The following PRKD2 variants were observed in gnomAD, a reference collection of about 807,000 sequenced individuals.
PRKD2 encodes serine/threonine-protein kinase D2.
In PRKD2, 22 loss-of-function variants were observed where a neutral mutation model predicts 86.0. That is an observed-to-expected ratio of 0.26 (90% CI 0.18 to 0.37). The LOEUF (loss-of-function observed/expected upper bound fraction) is 0.37, where lower values mean the gene tolerates loss of function less well. Ranked by LOEUF, PRKD2 falls within the 10% of genes least tolerant of loss-of-function variation. The pLI is 1.00. For missense variants in PRKD2, 818 were observed against 1,199.2 expected (o/e 0.68, Z 4.70); for synonymous variants, 509 against 510.9 (o/e 1.00, Z 0.05).
chr19:46,681,552 C>A, intron 15 of PRKD2, 98 bp downstream of exon 15: 1 of 868,168 alleles, frequency 1.2e-6, no homozygotes, highest in East Asian at 2.6e-5. Context: ...CACTGTGCCT[C>A]GCCCCCACAT....
intron 9 of PRKD2, 65 bp from the exon 10 acceptor site, chr19:46,694,198 CAGA>C (rs1332194017): frequency 3.4e-5 from 53 of 1,575,434 alleles, no homozygotes; most frequent in East Asian, 4.5e-5. Flanking sequence ...AGTGCTTACC[CAGA>C]AGGATACACG....
At chr19:46,680,989 T>C (rs1297979117) in intron 15 of PRKD2, among the ~76,000 whole-genome samples, 1 of 139,600 alleles carries the variant, frequency 7.2e-6, no homozygotes, top group East Asian at 2.1e-4. Context: ...TCTCTCGCTC[T>C]GTCACCCAGG....
rs111608315 is a variant in PRKD2 at position 46,686,728 on chromosome 19, G to A, written c.1971+2809C>T. On this transcript the variant is annotated intron_variant, in intron 14 of 17. Transcript: ENST00000291281. ...GCACTTTGGGAGGCCGAGGCGGGTG[G>A]ATCACGAGGTCAGGAGATCGAGACC... is the stretch of plus-strand genomic sequence containing the variant. Among the ~76,000 whole-genome samples the A allele has an allele frequency of 4.6e-5, 7 of 151,802 alleles. No homozygotes were observed. In the South Asian group the frequency reaches 1.0e-3, roughly 23 times the overall value.
At chr19:46,708,414 C>G (rs1184372197) in intron 3 of PRKD2, among the ~76,000 whole-genome samples, 1 of 150,568 alleles carries the variant, frequency 6.6e-6, no homozygotes, top group Non-Finnish European at 1.5e-5. Flanking sequence ...ACCTCCCAGG[C>G]CCAGGTGATC....
At chr19:46,706,173 C>A (rs1442880536) in intron 3 of PRKD2, among the ~76,000 whole-genome samples, 2 of 152,154 alleles carry the variant, frequency 1.3e-5, no homozygotes, top group Non-Finnish European at 2.9e-5. Context: ...CCTATTTTAT[C>A]TTTTAAAATC....
rs2053512618 is a variant in PRKD2, at chr19:46,693,556, C to A, written c.1576+319G>T. 6.6e-6 allele frequency among the ~76,000 whole-genome samples: 1 copy of A among 152,184 alleles called. No individual in the cohort carries two copies. The highest frequency in any genetic ancestry group is 1.5e-5 in the Non-Finnish European group (1 of 68,038). ...GGCTCAAGCAATTCTCCTGCCTCAG[C>A]CTTCCAAGTACCTGGAACTACAGGT... On this transcript the variant is annotated intron_variant, in intron 10 of 17. Coordinates refer to ENST00000291281, the MANE Select transcript of PRKD2 (RefSeq NM_016457.5). The surrounding 1 kb of genome is among the most constrained non-coding windows in gnomAD (Gnocchi z 4.5).
intron 13 of PRKD2, 110 bp downstream of exon 13, chr19:46,690,490 T>G: frequency 1.1e-6 from 1 of 898,006 alleles, no homozygotes; most frequent in South Asian, 1.4e-5. Context: ...TCCCCTTCAG[T>G]CTCAACATGC....
rs1330793119 is a variant in PRKD2, at chr19:46,716,306, G to C, written c.65C>G (p.Pro22Arg). ...CGACTGCAGCTCTAGGCCGCCGGGGGGCGGAGGAGACCCCGGCCCGGGAGA... is the reference window on the plus strand; with the variant it reads ...CGACTGCAGCTCTAGGCCGCCGGGGCGCGGAGGAGACCCCGGCCCGGGAGA... The part of the protein sequence containing the change: ...PGSPGPGSPP[P>R]PGGLELQSPP... Residue 22 changes from proline to arginine, a missense_variant, in exon 1 of 18, where the codon CCC becomes CGC. This residue lies in a region of PRKD2 where 403 missense variants were observed against 518.6 expected (regional missense o/e 0.78). Coordinates refer to ENST00000291281, the MANE Select transcript of PRKD2 (RefSeq NM_016457.5). The surrounding 1 kb of genome is among the most constrained non-coding windows in gnomAD (Gnocchi z 7.9). The C allele has an allele frequency of 6.6e-7, 1 of 1,526,658 alleles. No individual in the cohort carries two copies. Among genetic ancestry groups the C allele is most frequent in the South Asian group, 1.2e-5 (1 of 81,110 alleles). The allele number at this position is 1,526,658 out of a possible 1,614,324, so 94.6% of individuals were successfully genotyped here.
intron 1 of PRKD2, 70 bp from the exon 2 acceptor site, chr19:46,714,071 C>T: frequency 6.3e-7 from 1 of 1,575,094 alleles, no homozygotes; most frequent in South Asian, 1.2e-5. Flanking sequence ...CGGACTGTGA[C>T]CCTCCCAGGG....
At chr19:46,690,803 G>T in intron 12 of PRKD2, 97 bp from the exon 13 acceptor site, 1 of 1,123,704 alleles carries the variant, frequency 8.9e-7, no homozygotes, top group Non-Finnish European at 1.3e-6. Flanking sequence ...CCCCCACCAT[G>T]GAGACAGCCA....
At chr19:46,715,896 A>G (rs1462023552) in intron 1 of PRKD2, among the ~76,000 whole-genome samples, 1 of 152,022 alleles carries the variant, frequency 6.6e-6, no homozygotes. Flanking sequence ...AAACAACGAC[A>G]TGCAGGGACA....
intron 3 of PRKD2, among the ~76,000 whole-genome samples, chr19:46,707,705 A>G (rs1402326476): frequency 2.0e-5 from 3 of 152,198 alleles, no homozygotes; most frequent in Non-Finnish European, 4.4e-5. Flanking sequence ...CAGAGCCCCG[A>G]TTTCAACATT....
chr19:46,697,979 T>G (rs575375178), intron 7 of PRKD2, 129 bp from the exon 8 acceptor site: 1 of 740,280 alleles, frequency 1.4e-6, no homozygotes, highest in South Asian at 1.7e-5. Context: ...TGTTTTGACA[T>G]TTTCCCCCCA....
At chr19:46,715,570 C>T (rs746284758) in intron 1 of PRKD2, among the ~76,000 whole-genome samples, 2 of 152,306 alleles carry the variant, frequency 1.3e-5, no homozygotes, top group South Asian at 2.1e-4. Flanking sequence ...TAAGAGTAGG[C>T]TAACAGCACT....
At chr19:46,683,512 A>C (rs2053346050) in intron 14 of PRKD2, among the ~76,000 whole-genome samples, 1 of 151,994 alleles carries the variant, frequency 6.6e-6, no homozygotes, top group South Asian at 2.1e-4. Flanking sequence ...ACCTGAGGTC[A>C]GGAGTTAGAC....
At chr19:46,687,297 C>A (rs2053414304) in intron 14 of PRKD2, among the ~76,000 whole-genome samples, 1 of 152,046 alleles carries the variant, frequency 6.6e-6, no homozygotes, top group Admixed American at 6.6e-5. Flanking sequence ...GAGGCTGAGG[C>A]AGGAGAATTG....
intron 15 of PRKD2, among the ~76,000 whole-genome samples, chr19:46,680,129 G>GC (rs993319295): frequency 6.6e-6 from 1 of 152,048 alleles, no homozygotes; most frequent in African/African-American, 2.4e-5. Flanking sequence ...GAAGCCTGAA[G>GC]CCTCTGTCAC....
intron 13 of PRKD2, among the ~76,000 whole-genome samples, chr19:46,690,034 C>T (rs2053461288): frequency 6.6e-6 from 1 of 152,166 alleles, no homozygotes; most frequent in South Asian, 2.1e-4. Flanking sequence ...GCCACCATGC[C>T]CGGCCCAGAA....
Position 46,716,584 on chromosome 19 carries a change from G to A in PRKD2, c.-214C>T, listed in dbSNP as rs1051127274. ...TAGTGGGTCAGAGGCCCGGAATCCA[G>A]GGCTCCCAGAAGATCAGAAAGGAGA... On this transcript the variant is annotated 5_prime_UTR_variant, in exon 1 of 18. Transcript: ENST00000291281. This position sits in a 1 kb window ranked among gnomAD's most constrained non-coding sequence, Gnocchi z 7.9. 4.8e-6 allele frequency: 2 copies of A among 414,032 alleles called. No individual in the cohort carries two copies. The highest frequency in any genetic ancestry group is 3.7e-5 in the East Asian group (1 of 27,312). The allele number at this position is 414,032 out of a possible 1,614,324, so 25.6% of individuals were successfully genotyped here. A position where few individuals can be genotyped will look rare whatever the true frequency, so the allele number is the denominator to read the frequency against.
Sources: gnomAD v4.1 joint callset for allele counts (sites outside exome capture counted in the v4.1 genomes callset) on GRCh38, gnomAD v4.1.1 for gene constraint, gnomAD v4.1.1 regional missense constraint, Gnocchi (gnomAD v3.1) non-coding constraint, MANE v1.5 for transcripts, NCBI Gene and HGNC (gene_info 2026-07-23, HGNC 2026-07-21) for gene names.